The following SUSD1 variants were observed in gnomAD, a reference collection of about 807,000 sequenced individuals.
SUSD1 encodes sushi domain-containing protein 1.
Under a neutral mutation model 86.9 loss-of-function variants are expected in SUSD1, and 65 were observed. The observed-to-expected ratio is 0.75, with a 90% CI of 0.61 to 0.92. The LOEUF is 0.92. Ranked by LOEUF, SUSD1 falls within the 40% of genes least tolerant of loss-of-function variation. The pLI is 0.00. For synonymous variants in SUSD1, 346 were observed against 350.0 expected (o/e 0.99, Z 0.13); for missense variants, 850 against 929.7 (o/e 0.91, Z 1.11).
chr9:112,134,239 T>C (rs2034524728), intron 5 of SUSD1, among the ~76,000 whole-genome samples: 1 of 152,066 alleles, frequency 6.6e-6, no homozygotes, highest in African/African-American at 2.4e-5. Context: ...AAATAAATCA[T>C]TCAATCAAAA....
intron 5 of SUSD1, among the ~76,000 whole-genome samples, chr9:112,139,448 AT>A (rs1832461771): frequency 6.6e-6 from 1 of 152,152 alleles, no homozygotes. Context: ...CATTATTATT[AT>A]TATTTTTTCT....
chr9:112,082,305 C>T (rs1339449774), intron 10 of SUSD1, among the ~76,000 whole-genome samples: 1 of 152,200 alleles, frequency 6.6e-6, no homozygotes, highest in Non-Finnish European at 1.5e-5. Context: ...CCCCACCCGC[C>T]ACCAGCATGT....
intron 10 of SUSD1, among the ~76,000 whole-genome samples, chr9:112,095,284 C>T (rs571410873): frequency 2.0e-5 from 3 of 152,092 alleles, no homozygotes; most frequent in Non-Finnish European, 4.4e-5. Context: ...ATGAGTCCTA[C>T]CTGGCAATAA....
chr9:112,069,899 A>T (rs1829183441), intron 12 of SUSD1, among the ~76,000 whole-genome samples: 1 of 152,136 alleles, frequency 6.6e-6, no homozygotes, highest in South Asian at 2.1e-4. Context: ...TTTTCAAGGC[A>T]CCACAGTCAT....
At chr9:112,052,660 T>C (rs1176136445) in intron 14 of SUSD1, among the ~76,000 whole-genome samples, 1 of 152,242 alleles carries the variant, frequency 6.6e-6, no homozygotes, top group Non-Finnish European at 1.5e-5. Context: ...ATCACTTCTA[T>C]AGGTTTCCAA....
intron 14 of SUSD1, among the ~76,000 whole-genome samples, chr9:112,055,739 A>G (rs938936910): frequency 5.9e-5 from 9 of 152,192 alleles, no homozygotes; most frequent in Admixed American, 3.3e-4. Flanking sequence ...GTAATAGCCA[A>G]AAGGTGGAAA....
At position 112,165,853 on chromosome 9, in the gene SUSD1, AGAAGGAAG is replaced by A. The variant is rs140281162; in HGVS notation, c.104-8248_104-8241del. Among the ~76,000 whole-genome samples, 5 of 144,486 alleles carry A rather than the reference AGAAGGAAG, an allele frequency of 3.5e-5. No individual in the cohort carries two copies. The Admixed American group carries it at 3.5e-4, about 10-fold the overall frequency. 94.8% of individuals were successfully genotyped at this position (144,486 alleles called of 152,430 possible). The stretch of plus-strand genomic sequence containing the variant: ...GAAAGAGAAAGAAAGAAAGAGAAAG[AGAAGGAAG>A]GAAGGAAGGAAGAAAGAGAAAGAAA... On this transcript the variant is annotated intron_variant, in intron 1 of 16. Transcript: ENST00000374270.
intron 12 of SUSD1, among the ~76,000 whole-genome samples, chr9:112,075,026 C>A (rs1363476788): frequency 2.0e-5 from 3 of 152,084 alleles, no homozygotes; most frequent in East Asian, 1.9e-4. Flanking sequence ...CAAGATGAAA[C>A]CCCCTCCCCT....
intron 2 of SUSD1, among the ~76,000 whole-genome samples, chr9:112,155,228 G>C (rs1040725062): frequency 6.6e-6 from 1 of 151,760 alleles, no homozygotes; most frequent in Non-Finnish European, 1.5e-5. Flanking sequence ...TTCAGTCTGG[G>C]TGACCGAGGG....
At chr9:112,083,019 G>A (rs1238173797) in intron 10 of SUSD1, among the ~76,000 whole-genome samples, 4 of 152,076 alleles carry the variant, frequency 2.6e-5, no homozygotes, top group Non-Finnish European at 4.4e-5. Flanking sequence ...GATTATAAAT[G>A]TAAGCCACTG....
chr9:112,142,508 A>C lies in SUSD1; in HGVS notation c.527-9T>G. 1.9e-6 allele frequency: 3 copies of C among 1,605,946 alleles called. No individual in the cohort carries two copies. The South Asian group carries it at 3.3e-5, about 18-fold the overall frequency. On this transcript the variant is annotated splice_polypyrimidine_tract_variant and intron_variant, in intron 4 of 16. Transcript: ENST00000374270. Reference sequence around the variant, plus strand: ...GGTACCACAGTCTATTTCTGAAAATAAATTAATGTCAAATTCATTACCTCG... The same window carrying C: ...GGTACCACAGTCTATTTCTGAAAATCAATTAATGTCAAATTCATTACCTCG...
chr9:112,120,221 C>T (rs1831496597), intron 6 of SUSD1, among the ~76,000 whole-genome samples: 3 of 152,038 alleles, frequency 2.0e-5, no homozygotes, highest in East Asian at 1.9e-4. Flanking sequence ...GCAGAAGGAT[C>T]GCTTGAGCCC....
chr9:112,070,092 G>A (rs866314731), intron 12 of SUSD1, among the ~76,000 whole-genome samples: 12 of 151,960 alleles, frequency 7.9e-5, no homozygotes, highest in East Asian at 1.9e-4. Context: ...TGCAGCCTCC[G>A]CCTCCCGGGC....
chr9:112,165,642 T>A (rs1238916253), intron 1 of SUSD1, among the ~76,000 whole-genome samples: 2 of 151,818 alleles, frequency 1.3e-5, no homozygotes, highest in Non-Finnish European at 2.9e-5. Flanking sequence ...ACTCCTGACC[T>A]CAAGCAATCC....
At chr9:112,094,768 G>A (rs570660588) in intron 10 of SUSD1, among the ~76,000 whole-genome samples, 9 of 152,302 alleles carry the variant, frequency 5.9e-5, no homozygotes, top group Middle Eastern at 6.8e-3. Context: ...ATAGGGGAGC[G>A]AGAATAGGCA....
At chr9:112,165,910 G>GAAA (rs1260471021) in intron 1 of SUSD1, among the ~76,000 whole-genome samples, 238 of 55,146 alleles carry the variant, frequency 4.3e-3, no homozygotes, top group Non-Finnish European at 6.2e-3. Context: ...AGGAAGGAAG[G>GAAA]AAGGAAGAAA....
At chr9:112,161,483 A>G (rs1833567197) in intron 1 of SUSD1, among the ~76,000 whole-genome samples, 1 of 152,078 alleles carries the variant, frequency 6.6e-6, no homozygotes, top group Non-Finnish European at 1.5e-5. Context: ...GATCAACCCT[A>G]CAATGATGAA....
intron 1 of SUSD1, among the ~76,000 whole-genome samples, chr9:112,158,961 G>A (rs1308312595): frequency 1.3e-5 from 2 of 151,630 alleles, no homozygotes; most frequent in African/African-American, 4.9e-5. Context: ...AAAAGCAAAT[G>A]GAGTGAAGAG....
At chr9:112,148,512 T>C (rs913217906) in intron 3 of SUSD1, among the ~76,000 whole-genome samples, 2 of 152,132 alleles carry the variant, frequency 1.3e-5, no homozygotes, top group Non-Finnish European at 2.9e-5. Context: ...TAGTGTGCTC[T>C]GAGCTGAGGA....
Sources: allele counts gnomAD v4.1 joint callset (sites outside exome capture counted in the v4.1 genomes callset), GRCh38; gene constraint gnomAD v4.1.1; transcripts MANE v1.5; gene names NCBI Gene and HGNC (gene_info 2026-07-23, HGNC 2026-07-21).